Variants in RECQL observed in about 807,000 individuals in gnomAD.
RECQL encodes the protein RecQ like helicase.
In RECQL, 73 loss-of-function variants were observed where a neutral mutation model predicts 75.8. The observed-to-expected ratio is 0.96, with a 90% CI of 0.80 to 1.17. The LOEUF (loss-of-function observed/expected upper bound fraction) is 1.17. RECQL is among the 50% of genes most tolerant of loss of function. The pLI, the probability that RECQL is intolerant of heterozygous loss-of-function variation, is 0.00. For missense variants in RECQL, 699 were observed against 772.1 expected, an observed-to-expected ratio of 0.91 and a Z score of 1.12; for synonymous variants, 248 against 254.4, an observed-to-expected ratio of 0.97 and a Z score of 0.24.
intron 5 of RECQL, among the ~76,000 whole-genome samples, chr12:21,484,063 C>T (rs1285445533): frequency 6.6e-6 from 1 of 151,958 alleles, no homozygotes; most frequent in African/African-American, 2.4e-5. Flanking sequence ...AATATAAAGA[C>T]CATGGGGTTT....
At chr12:21,495,401 C>A (rs1943486957) in intron 2 of RECQL, among the ~76,000 whole-genome samples, 1 of 152,152 alleles carries the variant, frequency 6.6e-6, no homozygotes, top group Admixed American at 6.5e-5. Context: ...TCGAGACCAT[C>A]CTGGCTAACA....
chr12:21,476,898 GT>G lies in RECQL; in HGVS notation c.949+12del. 1 of 1,584,574 alleles carries G rather than the reference GT, an allele frequency of 6.3e-7. No individual in the cohort carries two copies. Among genetic ancestry groups the G allele is most frequent in the Non-Finnish European group, 8.6e-7 (1 of 1,162,390 alleles). ...TTATCTCTGTCTCCAAAGTTGGTTT[GT>G]TTTTACATTACCTGATTGCCCTTTG... On this transcript the variant is annotated intron_variant, in intron 8 of 14. Transcript: ENST00000444129.
chr12:21,472,870 G>C (rs1038619829), intron 12 of RECQL, among the ~76,000 whole-genome samples: 2 of 152,088 alleles, frequency 1.3e-5, no homozygotes, highest in Non-Finnish European at 2.9e-5. Context: ...TGACTATAAA[G>C]TATTAGAGAT....
chr12:21,469,919 A>G lies in RECQL; in HGVS notation c.*275T>C, dbSNP rs1038483540. 1.0e-5 allele frequency: 3 copies of G among 297,796 alleles called. No individual in the cohort carries two copies. The highest frequency in any genetic ancestry group is 1.8e-5 in the Non-Finnish European group (3 of 164,222). 18.4% of individuals were successfully genotyped at this position (297,796 alleles called of 1,614,324 possible). The stretch of plus-strand genomic sequence containing the variant: ...AGTATATAAAGGCATAAAAAACTTA[A>G]GACGATTGTATGAACTTATTCTCAA... On this transcript the variant is annotated 3_prime_UTR_variant, in exon 15 of 15. Transcript: ENST00000444129.
chr12:21,476,930 C>G lies in RECQL; in HGVS notation c.930G>C (p.Gly310=). ...FIEDIVKLIN[G]RYKGQSGIIY... ...CATTACCTGATTGCCCTTTGTATCTCCCATTAATGAGCTTTACAATATCCT... is the reference window on the plus strand; with the variant it reads ...CATTACCTGATTGCCCTTTGTATCTGCCATTAATGAGCTTTACAATATCCT... Residue 310 remains glycine (G), a synonymous_variant, in exon 8 of 15, where the codon GGG becomes GGC. Coordinates refer to ENST00000444129, the MANE Select transcript of RECQL (RefSeq NM_002907.4). 1 of 1,607,822 alleles carries G rather than the reference C, an allele frequency of 6.2e-7. No individual in the cohort carries two copies. The highest frequency in any genetic ancestry group is 8.5e-7 in the Non-Finnish European group (1 of 1,177,256).
At chr12:21,480,539 A>G (rs1943174008) in intron 6 of RECQL, among the ~76,000 whole-genome samples, 1 of 151,892 alleles carries the variant, frequency 6.6e-6, no homozygotes, top group South Asian at 2.1e-4. Flanking sequence ...GTCATCTCTA[A>G]CCCCACCCTT....
At position 21,473,625 on chromosome 12, in the gene RECQL, A is replaced by T; in HGVS notation, c.1373T>A (p.Met458Lys). 1 of 1,612,608 alleles carries T rather than the reference A, an allele frequency of 6.2e-7. No homozygotes were observed. The highest frequency in any genetic ancestry group is 2.2e-5 in the East Asian group (1 of 44,856). Residue 458 changes from methionine to lysine, a missense_variant, in exon 12 of 15, where the codon ATG becomes AAG. By Grantham distance (95) the Met-to-Lys change is moderately conservative. Around this residue, in one of 2 missense-constraint regions of RECQL, gnomAD observed 669 missense variants for 713.5 expected, o/e 0.94. Coordinates refer to ENST00000444129, the MANE Select transcript of RECQL (RefSeq NM_002907.4). ...CCATACTTCATCAAAATGTTGAGCC[A>T]TCAACACACGACGACATCTGCAAAC... ...QNISKCRRVL[M>K]AQHFDEVWNS...
chr12:21,475,051 TA>T, intron 10 of RECQL, 72 bp from the exon 11 acceptor site: 2 of 1,482,888 alleles, frequency 1.3e-6, no homozygotes, highest in South Asian at 2.4e-5. Flanking sequence ...TGACATATGG[TA>T]AAATTAGCAG....
chr12:21,494,363 TATATGGGAATAGATCATAAAGGTACTG>T (rs1279693404), intron 2 of RECQL, among the ~76,000 whole-genome samples: 1 of 152,182 alleles, frequency 6.6e-6, no homozygotes, highest in Non-Finnish European at 1.5e-5. Context: ...CTAGAGAATG[TATATGGGAATAGATCATAAAGGTACTG>T]AAACAGGGTT....
At chr12:21,479,265 C>T (rs573472628) in intron 6 of RECQL, among the ~76,000 whole-genome samples, 6 of 152,092 alleles carry the variant, frequency 3.9e-5, no homozygotes, top group Admixed American at 2.0e-4. Context: ...ATGTACAAGG[C>T]AGGTTTAAGA....
At chr12:21,491,992 T>G (rs941387825) in intron 2 of RECQL, among the ~76,000 whole-genome samples, 2 of 152,214 alleles carry the variant, frequency 1.3e-5, no homozygotes, top group Non-Finnish European at 2.9e-5. Flanking sequence ...AGTATTTTTA[T>G]GAAGAGCTAG....
intron 13 of RECQL, 133 bp downstream of exon 13, chr12:21,471,295 G>A (rs1197531218): frequency 3.6e-5 from 35 of 980,628 alleles, no homozygotes; most frequent in Non-Finnish European, 5.1e-5. Flanking sequence ...AAGTTTGAGT[G>A]TTTTAGGTAA....
Position 21,475,697 on chromosome 12 carries a change from T to G in RECQL, c.1077A>C (p.Lys359Asn), listed in dbSNP as rs970717805. 5 of 1,613,260 alleles carry G rather than the reference T, an allele frequency of 3.1e-6. No homozygotes were observed. The highest frequency in any genetic ancestry group is 4.2e-6 in the Non-Finnish European group (5 of 1,179,490). Residue 359 changes from lysine to asparagine, a missense_variant, in exon 9 of 15, where the codon AAA (lysine) becomes AAC (asparagine). Physicochemically the swap from Lys to Asn is moderately conservative, Grantham distance 94. Transcript: ENST00000444129. Reference sequence around the variant, plus strand: ...TAACCTGAATTTCATTGGCTGACCATTTTCTATGAACTGTGGTCTTATCTT... The same window carrying G: ...TAACCTGAATTTCATTGGCTGACCAGTTTCTATGAACTGTGGTCTTATCTT... ...EPEDKTTVHR[K>N]WSANEIQVVV...
intron 5 of RECQL, among the ~76,000 whole-genome samples, chr12:21,484,945 T>A (rs1394339070): frequency 4.6e-5 from 7 of 151,192 alleles, no homozygotes; most frequent in African/African-American, 1.5e-4. Context: ...TCATGCAGAG[T>A]TAATGAGGAA....
intron 6 of RECQL, among the ~76,000 whole-genome samples, chr12:21,478,553 A>AG (rs1943130554): frequency 1.3e-5 from 2 of 152,222 alleles, no homozygotes; most frequent in Admixed American, 6.5e-5. Context: ...GAAGTTCACT[A>AG]GGAAGAGACG....
chr12:21,478,620 A>C (rs2137354194), intron 6 of RECQL, among the ~76,000 whole-genome samples: 1 of 152,340 alleles, frequency 6.6e-6, no homozygotes, highest in African/African-American at 2.4e-5. Flanking sequence ...TGAAATTAGT[A>C]TGTTCAGATA....
Position 21,470,195 on chromosome 12 carries a change from C to G in RECQL, c.1949G>C (p.Ter650SerextTer5). The G allele has an allele frequency of 6.2e-7, 1 of 1,611,436 alleles. No homozygotes were observed. Among genetic ancestry groups the G allele is most frequent in the Non-Finnish European group, 8.5e-7 (1 of 1,178,436 alleles). Reference protein sequence around the residue: ...GAKKRKIDDA* With the variant: ...GAKKRKIDDAS ...TTAGAAAATTTAGTAACATTCATAT[C>G]AGGCATCATCGATTTTTCTTTTCTT... Residue 650 changes from the stop codon to serine, a stop_lost, in exon 15 of 15, where the codon TGA becomes TCA. Coordinates refer to ENST00000444129, the MANE Select transcript of RECQL (RefSeq NM_002907.4).
chr12:21,493,878 A>G (rs1035318804), intron 2 of RECQL, among the ~76,000 whole-genome samples: 1 of 152,214 alleles, frequency 6.6e-6, no homozygotes, highest in Admixed American at 6.5e-5. Flanking sequence ...CTGTCAAAAG[A>G]CATGATATGC....
Position 21,471,534 on chromosome 12 carries a change from C to T in RECQL, c.1561G>A (p.Gly521Arg). The change falls in exon 13 of 15, where the codon GGA (glycine) becomes AGA (arginine). Residue 521 changes from glycine to arginine, a missense_variant. By Grantham distance (125) the Gly-to-Arg change is moderately radical. Coordinates refer to ENST00000444129, the MANE Select transcript of RECQL (RefSeq NM_002907.4). Reference sequence around the variant, plus strand: ...ACTCTCAGTTTTGCTGCACCCTTTCCCATCCAAGAATCAATCAGTTTCAAT... The same window carrying T: ...ACTCTCAGTTTTGCTGCACCCTTTCTCATCCAAGAATCAATCAGTTTCAAT... ...TPLKLIDSWMGKGAAKLRVAG... is the reference protein window; with the variant it reads ...TPLKLIDSWMRKGAAKLRVAG... 2 of 1,612,340 alleles carry T rather than the reference C, an allele frequency of 1.2e-6. No homozygotes were observed. Among genetic ancestry groups the T allele is most frequent in the Non-Finnish European group, 1.7e-6 (2 of 1,179,186 alleles).
Sources: gnomAD v4.1 joint callset for allele counts (sites outside exome capture counted in the v4.1 genomes callset) on GRCh38, gnomAD v4.1.1 for gene constraint, gnomAD v4.1.1 regional missense constraint, MANE v1.5 for transcripts, NCBI Gene and HGNC (gene_info 2026-07-23, HGNC 2026-07-21) for gene names.